The following TMEM117 variants were observed in gnomAD, a reference collection of about 807,000 sequenced individuals.
TMEM117 encodes transmembrane protein 117.
A neutral mutation model predicts 52.4 loss-of-function variants in TMEM117; 27 were observed. The observed-to-expected ratio is 0.51, with a 90% CI of 0.38 to 0.71. The LOEUF (loss-of-function observed/expected upper bound fraction) is 0.71, where lower values mean the gene tolerates loss of function less well. Among genes scored for constraint, TMEM117 ranks in the 30% least tolerant of loss-of-function variants. The pLI is 0.00. For synonymous variants in TMEM117, 215 were observed against 206.3 expected (o/e 1.04, Z -0.36); for missense variants, 556 against 630.5 (o/e 0.88, Z 1.26).
chr12:43,799,312 C>T, the TMEM117 span: 1 of 855,870 alleles, frequency 1.2e-6, no homozygotes, highest in African/African-American at 1.7e-5. Flanking sequence ...TCTTTAATCT[C>T]TAGTTATCCT....
chr12:44,039,375 A>G (rs368503440), intron 3 of TMEM117, among the ~76,000 whole-genome samples: 7 of 149,562 alleles, frequency 4.7e-5, no homozygotes, highest in Middle Eastern at 7.1e-3. Flanking sequence ...TATTGTATCT[A>G]TAGTATTCTT....
intron 5 of TMEM117, among the ~76,000 whole-genome samples, chr12:44,214,811 G>A (rs1481618707): frequency 1.3e-5 from 2 of 151,982 alleles, no homozygotes; most frequent in African/African-American, 4.8e-5. Flanking sequence ...TGGTATTCAT[G>A]GTTGTAAAAA....
At chr12:43,980,097 G>T (rs1384906198) in intron 3 of TMEM117, among the ~76,000 whole-genome samples, 1 of 152,174 alleles carries the variant, frequency 6.6e-6, no homozygotes, top group Non-Finnish European at 1.5e-5. Context: ...GGGTCCCACA[G>T]CTGTAGTGTA....
At chr12:44,116,904 CCTAACTGAT>C (rs774681999) in intron 3 of TMEM117, among the ~76,000 whole-genome samples, 1 of 152,196 alleles carries the variant, frequency 6.6e-6, no homozygotes, top group Non-Finnish European at 1.5e-5. Context: ...GCAGTAGCCT[CCTAACTGAT>C]CTAATTTTAT....
the TMEM117 span, chr12:43,800,466 T>C: frequency 1.9e-6 from 3 of 1,613,712 alleles, no homozygotes; most frequent in Non-Finnish European, 2.5e-6. Context: ...ATCTTTAATG[T>C]GGCCACCTCC....
At chr12:43,914,313 CAG>C (rs1026651393) in intron 2 of TMEM117, among the ~76,000 whole-genome samples, 1 of 152,110 alleles carries the variant, frequency 6.6e-6, no homozygotes. Flanking sequence ...CTTCCTTTCT[CAG>C]ACCTGCAGGT....
chr12:44,325,680 T>A (rs989377674), intron 6 of TMEM117, among the ~76,000 whole-genome samples: 13 of 152,140 alleles, frequency 8.5e-5, no homozygotes, highest in African/African-American at 2.6e-4. Context: ...TTGTTCTGAG[T>A]TTTATTTGTT....
intron 3 of TMEM117, among the ~76,000 whole-genome samples, chr12:44,046,600 T>A (rs1410750636): frequency 9.9e-5 from 15 of 152,154 alleles, no homozygotes; most frequent in Non-Finnish European, 1.5e-5. Flanking sequence ...AGGTGCTTGC[T>A]GAAGGCAAAG....
At chr12:43,914,663 T>TGAAA (rs1944570620) in intron 2 of TMEM117, among the ~76,000 whole-genome samples, 1 of 152,076 alleles carries the variant, frequency 6.6e-6, no homozygotes, top group Non-Finnish European at 1.5e-5. Flanking sequence ...ATTGGTGAGA[T>TGAAA]TTCATGGTAG....
intron 3 of TMEM117, among the ~76,000 whole-genome samples, chr12:43,996,998 AGTT>A (rs1946042391): frequency 6.6e-6 from 1 of 152,224 alleles, no homozygotes; most frequent in Non-Finnish European, 1.5e-5. Flanking sequence ...CTGTGATTCC[AGTT>A]GTTCTGGCGG....
chr12:44,162,120 A>G (rs1450229264), intron 4 of TMEM117, among the ~76,000 whole-genome samples: 1 of 152,066 alleles, frequency 6.6e-6, no homozygotes, highest in Admixed American at 6.6e-5. Context: ...ATTCTAGAGA[A>G]CTCCCCAAAA....
At chr12:43,998,577 C>T (rs192772167) in intron 3 of TMEM117, among the ~76,000 whole-genome samples, 2 of 152,148 alleles carry the variant, frequency 1.3e-5, no homozygotes, top group Admixed American at 1.3e-4. Flanking sequence ...AAATCAATTC[C>T]AGATGAAGTG....
At chr12:44,284,484 C>T (rs841068) in intron 5 of TMEM117, among the ~76,000 whole-genome samples, 104,295 of 152,208 alleles carry the variant, frequency 0.69, 37,440 homozygotes, top group East Asian at 0.9. Context: ...AACTGGTGAA[C>T]AATTTAGCAT....
intron 4 of TMEM117, among the ~76,000 whole-genome samples, chr12:44,168,919 G>A (rs1296706497): frequency 6.6e-6 from 1 of 152,128 alleles, no homozygotes; most frequent in East Asian, 1.9e-4. Flanking sequence ...CTAGGAATTT[G>A]ACTACACTAG....
intron 4 of TMEM117, among the ~76,000 whole-genome samples, chr12:44,182,487 T>C (rs2407817): frequency 0.01 from 1,530 of 152,256 alleles, 10 homozygotes; most frequent in African/African-American, 0.016. Context: ...AAAAAGCCTT[T>C]GACAAAATTC....
intron 4 of TMEM117, among the ~76,000 whole-genome samples, chr12:44,177,434 A>G (rs1403975389): frequency 6.6e-6 from 1 of 152,178 alleles, no homozygotes; most frequent in Admixed American, 6.5e-5. Flanking sequence ...TCATAAGCAC[A>G]GACTATAATT....
chr12:44,194,397 T>C (rs752992868), intron 4 of TMEM117, among the ~76,000 whole-genome samples: 1 of 152,206 alleles, frequency 6.6e-6, no homozygotes, highest in Non-Finnish European at 1.5e-5. Context: ...AATGGTGATA[T>C]TGATTAGTTC....
intron 2 of TMEM117, among the ~76,000 whole-genome samples, chr12:43,872,380 A>C (rs1943722063): frequency 6.6e-6 from 1 of 152,180 alleles, no homozygotes; most frequent in African/African-American, 2.4e-5. Flanking sequence ...CTGTACCTCT[A>C]ACTACAGAAA....
chr12:44,005,889 T>A (rs935803307), intron 3 of TMEM117, among the ~76,000 whole-genome samples: 3 of 152,188 alleles, frequency 2.0e-5, no homozygotes, highest in African/African-American at 7.2e-5. Context: ...GATCTCTCTT[T>A]TTGCCTGCTG....
Sources: allele counts gnomAD v4.1 joint callset (sites outside exome capture counted in the v4.1 genomes callset), GRCh38; gene constraint gnomAD v4.1.1; transcripts MANE v1.5; gene names NCBI Gene and HGNC (gene_info 2026-07-23, HGNC 2026-07-21).